ACBD6: variants seen among roughly 807,000 people sequenced by gnomAD.
ACBD6 encodes the protein acyl-CoA binding domain containing 6.
In ACBD6, 28 loss-of-function variants were observed where a neutral mutation model predicts 37.2. That is an observed-to-expected ratio of 0.75 (90% confidence interval 0.56 to 1.03). ACBD6 has a LOEUF of 1.03. ACBD6 is among the 50% of genes least tolerant of loss of function. ACBD6 has a pLI of 0.00. For synonymous variants in ACBD6, 113 were observed against 126.8 expected (o/e 0.89, Z 0.73); for missense variants, 340 against 337.4 (o/e 1.01, Z -0.06).
intron 2 of ACBD6, among the ~76,000 whole-genome samples, chr1:180,494,652 A>G (rs1399561019): frequency 1.3e-5 from 2 of 152,142 alleles, no homozygotes; most frequent in Admixed American, 6.5e-5. Flanking sequence ...TAAAGTAAGA[A>G]CCCATATTTT....
chr1:180,418,590 A>G (rs1049718713), intron 4 of ACBD6, among the ~76,000 whole-genome samples: 2 of 152,158 alleles, frequency 1.3e-5, no homozygotes, highest in African/African-American at 2.4e-5. Context: ...AAGAAAAAAA[A>G]AAGACTTATC....
chr1:180,271,672 G>A, exon 14 of ACBD6: 1 of 1,335,892 alleles, frequency 7.5e-7, no homozygotes, highest in East Asian at 2.3e-5. Context: ...TGAAGACAGA[G>A]TTCTGAGGCC....
intron 6 of ACBD6, among the ~76,000 whole-genome samples, chr1:180,355,330 C>T (rs555992844): frequency 1.3e-5 from 2 of 152,192 alleles, no homozygotes; most frequent in Non-Finnish European, 2.9e-5. Flanking sequence ...CTCTGTGTAT[C>T]TTCATACGTA....
intron 3 of ACBD6, among the ~76,000 whole-genome samples, chr1:180,460,409 G>A (rs751111752): frequency 4.6e-5 from 7 of 152,184 alleles, no homozygotes; most frequent in Non-Finnish European, 8.8e-5. Flanking sequence ...CAGCATGGCT[G>A]CTCTATGAAA....
At chr1:180,378,722 C>A (rs999952985) in intron 6 of ACBD6, among the ~76,000 whole-genome samples, 1 of 152,216 alleles carries the variant, frequency 6.6e-6, no homozygotes, top group Non-Finnish European at 1.5e-5. Flanking sequence ...CCTGAGCACT[C>A]CCTGCTGGGG....
chr1:180,351,631 C>A (rs983767873), intron 6 of ACBD6, among the ~76,000 whole-genome samples: 27 of 144,708 alleles, frequency 1.9e-4, no homozygotes, highest in African/African-American at 7.0e-4. Flanking sequence ...CACTTCACAT[C>A]TCTATTAAGA....
chr1:180,326,163 G>C (rs913556776), intron 6 of ACBD6, among the ~76,000 whole-genome samples: 1 of 152,176 alleles, frequency 6.6e-6, no homozygotes, highest in African/African-American at 2.4e-5. Flanking sequence ...CTGGGAGCTA[G>C]GGATTGGAGG....
chr1:180,401,814 G>GA (rs1213200162), intron 5 of ACBD6, among the ~76,000 whole-genome samples: 1 of 151,218 alleles, frequency 6.6e-6, no homozygotes, highest in East Asian at 1.9e-4. Context: ...ATGGTAAGGG[G>GA]AGGGGAGAGG....
chr1:180,447,682 A>G (rs1192611645), intron 3 of ACBD6, among the ~76,000 whole-genome samples: 1 of 152,192 alleles, frequency 6.6e-6, no homozygotes, highest in African/African-American at 2.4e-5. Context: ...TTAGAAAATT[A>G]TCTTGAATAT....
intron 6 of ACBD6, among the ~76,000 whole-genome samples, chr1:180,353,906 T>G (rs1012304187): frequency 6.6e-6 from 1 of 152,060 alleles, no homozygotes; most frequent in South Asian, 2.1e-4. Flanking sequence ...TGAAAACATT[T>G]CCTCCCTTTC....
Position 180,299,572 on chromosome 1 carries a change from T to A in ACBD6, c.695-11055A>T, listed in dbSNP as rs547547889. Among the ~76,000 whole-genome samples the A allele has an allele frequency of 7.9e-4, 120 of 151,394 alleles. 1 individual carries two copies. The highest frequency in any genetic ancestry group is 4.7e-4 in the Non-Finnish European group (32 of 67,974). ...TTGATAATGAATTTCTTTTTTTTTT[T>A]ATTTTATTTATTTTCACTCTAATGC... On this transcript the variant is annotated intron_variant, in intron 7 of 7. Coordinates refer to ENST00000367595, the MANE Select transcript of ACBD6 (RefSeq NM_032360.4).
chr1:180,447,805 G>A (rs1396463812), intron 3 of ACBD6, among the ~76,000 whole-genome samples: 2 of 151,552 alleles, frequency 1.3e-5, no homozygotes, highest in Admixed American at 6.6e-5. Context: ...CTGTAATAAC[G>A]TCTCAAAAAT....
intron 6 of ACBD6, among the ~76,000 whole-genome samples, chr1:180,344,447 T>G (rs1342345739): frequency 6.6e-6 from 1 of 152,130 alleles, no homozygotes; most frequent in African/African-American, 2.4e-5. Flanking sequence ...TAATGAAGTA[T>G]GGAATATATT....
chr1:180,473,459 A>AAAC (rs1650651109), intron 3 of ACBD6, among the ~76,000 whole-genome samples: 1 of 150,826 alleles, frequency 6.6e-6, no homozygotes, highest in Admixed American at 6.6e-5. Context: ...AAAAAAAAAA[A>AAAC]AAAAAACTTT....
At position 180,492,382 on chromosome 1, in the gene ACBD6, C is replaced by A. The variant is rs370819457; in HGVS notation, c.288-17G>T. The A allele has an allele frequency of 1.9e-6, 3 of 1,593,116 alleles. No homozygotes were observed. In the East Asian group the frequency reaches 6.7e-5, roughly 36 times the overall value. On this transcript the variant is annotated splice_polypyrimidine_tract_variant and intron_variant, in intron 2 of 7. Transcript: ENST00000367595. Reference sequence around the variant, plus strand: ...CAAGCTTCCCTACAATATGGAATATCCAAAATGGCCTGTCATTATGCAAAT... The same window carrying A: ...CAAGCTTCCCTACAATATGGAATATACAAAATGGCCTGTCATTATGCAAAT...
At chr1:180,357,861 G>A (rs1014866380) in intron 6 of ACBD6, among the ~76,000 whole-genome samples, 1 of 152,132 alleles carries the variant, frequency 6.6e-6, no homozygotes, top group African/African-American at 2.4e-5. Flanking sequence ...CTTGCCAGCA[G>A]AGCTTATTTC....
At chr1:180,448,772 G>A (rs4142992) in intron 3 of ACBD6, among the ~76,000 whole-genome samples, 73,758 of 151,996 alleles carry the variant, frequency 0.49, 20,763 homozygotes, top group South Asian at 0.66. Context: ...GTACTCTACT[G>A]CTTCCTTCTG....
intron 1 of ACBD6, among the ~76,000 whole-genome samples, chr1:180,496,587 G>A (rs1184439430): frequency 1.3e-5 from 2 of 152,122 alleles, no homozygotes; most frequent in Non-Finnish European, 2.9e-5. Flanking sequence ...AGCTTTTCAA[G>A]ATGCTGCACG....
intron 3 of ACBD6, among the ~76,000 whole-genome samples, chr1:180,463,311 G>A (rs1051628361): frequency 1.3e-5 from 2 of 151,704 alleles, no homozygotes; most frequent in Non-Finnish European, 2.9e-5. Flanking sequence ...TAATAAAATA[G>A]ACTGCTAGCT....
Sources: allele counts gnomAD v4.1 joint callset (sites outside exome capture counted in the v4.1 genomes callset), GRCh38; gene constraint gnomAD v4.1.1; transcripts MANE v1.5; gene names NCBI Gene and HGNC (gene_info 2026-07-23, HGNC 2026-07-21).